Variants in SMC4 observed in about 807,000 individuals in gnomAD.
SMC4 encodes structural maintenance of chromosomes protein 4.
A neutral mutation model predicts 145.6 loss-of-function variants in SMC4; 87 were observed. The observed-to-expected ratio is 0.60, with a 90% confidence interval of 0.50 to 0.71. The LOEUF (loss-of-function observed/expected upper bound fraction) is 0.71, where lower values mean the gene tolerates loss of function less well. Ranked by LOEUF, SMC4 falls within the 30% of genes least tolerant of loss-of-function variation. The pLI, the probability that SMC4 is intolerant of heterozygous loss-of-function variation, is 0.00. For missense variants in SMC4, 1,447 were observed against 1,537.1 expected (o/e 0.94, Z 0.98); for synonymous variants, 558 against 500.7 (o/e 1.11, Z -1.53).
chr3:160,433,276 A>G, intron 23 of SMC4, 67 bp downstream of exon 23: 1 of 1,102,514 alleles, frequency 9.1e-7, no homozygotes, highest in Non-Finnish European at 1.3e-6. Flanking sequence ...TACACATGGA[A>G]TTCTTTATTT....
At chr3:160,413,345 C>T in intron 7 of SMC4, 128 bp from the exon 8 acceptor site, 1 of 877,294 alleles carries the variant, frequency 1.1e-6, no homozygotes, top group Non-Finnish European at 1.7e-6. Context: ...CCCCTCATAG[C>T]CTAGGCAGTC....
intron 8 of SMC4, 68 bp downstream of exon 8, chr3:160,413,681 G>A (rs918908099): frequency 3.4e-6 from 3 of 893,324 alleles, no homozygotes; most frequent in Non-Finnish European, 4.8e-6. Context: ...TATATATAAA[G>A]TTACTTCTAG....
At chr3:160,429,342 A>G (rs192079094) in intron 18 of SMC4, among the ~76,000 whole-genome samples, 4 of 152,208 alleles carry the variant, frequency 2.6e-5, no homozygotes, top group Admixed American at 2.0e-4. Context: ...CTTACATTTT[A>G]GTTTTTATTT....
chr3:160,432,253 T>C, intron 21 of SMC4, 30 bp from the exon 22 acceptor site: 2 of 1,422,588 alleles, frequency 1.4e-6, no homozygotes, highest in Non-Finnish European at 2.0e-6. Context: ...TTTATCTGAA[T>C]AGATTTTCCC....
chr3:160,419,469 A>G lies in SMC4; in HGVS notation c.1783A>G (p.Ser595Gly). Residue 595 changes from serine (S) to glycine (G), a missense_variant, in exon 12 of 24, where the codon AGT becomes GGT. By Grantham distance (56) the Ser-to-Gly change is moderately conservative (BLOSUM62 0). Coordinates refer to ENST00000357388, the MANE Select transcript of SMC4 (RefSeq NM_001002800.3). ...EAKSSLAMNRSRGKVLDAIIQ... is the reference protein window; with the variant it reads ...EAKSSLAMNRGRGKVLDAIIQ... ...AAAGAGCTCATTAGCAATGAATCGA[A>G]GTAGGGGGAAAGTCCTTGATGCAAT... 1.2e-6 allele frequency: 2 copies of G among 1,611,914 alleles called. No homozygotes were observed. The highest frequency in any genetic ancestry group is 1.7e-6 in the Non-Finnish European group (2 of 1,179,530).
intron 8 of SMC4, 144 bp from the exon 9 acceptor site, chr3:160,414,223 T>A (rs1191145519): frequency 1.4e-6 from 1 of 714,156 alleles, no homozygotes; most frequent in Non-Finnish European, 2.5e-6. Context: ...GGGAGAGGGA[T>A]CATCTTGGAA....
Position 160,406,041 on chromosome 3 carries a change from A to G in SMC4, c.687+1537A>G, listed in dbSNP as rs141931007. Among the ~76,000 whole-genome samples the G allele has an allele frequency of 3.2e-3, 487 of 152,202 alleles. 3 individuals carry two copies. The highest frequency in any genetic ancestry group is 0.011 in the African/African-American group (464 of 41,574). ...TTTTTTCTCTGTACAGCATCTCTGT[A>G]CGTAATTCAGTAATAAAGGAAGCTA... is the stretch of plus-strand genomic sequence containing the variant. On this transcript the variant is annotated intron_variant, in intron 5 of 23. Coordinates refer to ENST00000357388, the MANE Select transcript of SMC4 (RefSeq NM_001002800.3).
Position 160,416,205 on chromosome 3 carries a change from G to C in SMC4, c.1273-46G>C, listed in dbSNP as rs767909255. ...AATATGTCAAATATTGATAGTATTG[G>C]GTAACATAAAGATGTATGCTCCTAT... On this transcript the variant is annotated intron_variant, in intron 9 of 23. Transcript: ENST00000357388. 4 of 1,362,696 alleles carry C rather than the reference G, an allele frequency of 2.9e-6. No homozygotes were observed. The South Asian group carries it at 6.6e-5, about 23-fold the overall frequency. The allele number at this position is 1,362,696 out of a possible 1,614,324, so 84.4% of individuals were successfully genotyped here.
At chr3:160,400,496 G>C (rs1206516528) in intron 1 of SMC4, 4 of 220,448 alleles carry the variant, frequency 1.8e-5, no homozygotes, top group African/African-American at 9.1e-5. Context: ...AATTAGAAAT[G>C]CGTTAGCGAA....
chr3:160,423,350 TTTTTTTTTG>T (rs1239213983), intron 13 of SMC4, 66 bp from the exon 14 acceptor site: 26 of 882,522 alleles, frequency 2.9e-5, no homozygotes, highest in Admixed American at 8.9e-5. Context: ...TTCCTATGGG[TTTTTTTTTG>T]TTTTTTTTTT....
At chr3:160,426,412 G>T (rs1717802573) in intron 17 of SMC4, among the ~76,000 whole-genome samples, 1 of 152,162 alleles carries the variant, frequency 6.6e-6, no homozygotes, top group Non-Finnish European at 1.5e-5. Flanking sequence ...ACAGCACGTG[G>T]TGGTATAGGA....
At chr3:160,409,256 A>G (rs1378852929) in intron 5 of SMC4, among the ~76,000 whole-genome samples, 1 of 122,112 alleles carries the variant, frequency 8.2e-6, no homozygotes, top group Non-Finnish European at 1.7e-5. Context: ...ACAGAGCGAA[A>G]CTCCGTCTCA....
chr3:160,399,889 A>ACCCCCCC (rs1714283728), intron 1 of SMC4, 140 bp downstream of exon 1: 1 of 150,448 alleles, frequency 6.6e-6, no homozygotes, highest in African/African-American at 2.5e-5. Context: ...TCTTGCTGTC[A>ACCCCCCC]CCCCTCCCCC....
intron 19 of SMC4, 33 bp downstream of exon 19, chr3:160,430,776 G>T (rs1576996946): frequency 1.9e-6 from 3 of 1,586,166 alleles, no homozygotes; most frequent in Admixed American, 3.7e-5. Context: ...GAGGAGATGG[G>T]ATGATACTGG....
chr3:160,431,998 C>T (rs1718458142), intron 21 of SMC4, among the ~76,000 whole-genome samples, 173 bp downstream of exon 21: 2 of 152,180 alleles, frequency 1.3e-5, no homozygotes, highest in South Asian at 4.1e-4. Flanking sequence ...GTCAGGAGTT[C>T]GAGACCAGCT....
rs769664922 is a variant in SMC4, at chr3:160,416,357, TAAAG to T, written c.1380_1383del (p.Glu462LeufsTer30). The stretch of plus-strand genomic sequence containing the variant: ...GAAAAAGAGAAAGAAGAAAAAAAAT[TAAAG>T]GAAGTTATGGATAGCCTTAAACAGG... On this transcript the variant is annotated frameshift_variant, in exon 10 of 24. Coordinates refer to ENST00000357388, the MANE Select transcript of SMC4 (RefSeq NM_001002800.3). LOFTEE classifies it high-confidence loss of function. The T allele has an allele frequency of 5.6e-6, 9 of 1,600,514 alleles. No individual in the cohort carries two copies. The highest frequency in any genetic ancestry group is 7.7e-6 in the Non-Finnish European group (9 of 1,173,978).
chr3:160,412,247 T>C (rs1716072836), intron 6 of SMC4, 79 bp from the exon 7 acceptor site: 1 of 1,473,512 alleles, frequency 6.8e-7, no homozygotes, highest in Non-Finnish European at 9.2e-7. Flanking sequence ...TAACTGTTTT[T>C]ATCTAATGTT....
At chr3:160,408,591 A>G (rs1274921926) in intron 5 of SMC4, among the ~76,000 whole-genome samples, 1 of 152,196 alleles carries the variant, frequency 6.6e-6, no homozygotes, top group Non-Finnish European at 1.5e-5. Flanking sequence ...CTTGGATTGA[A>G]CCTTGATATG....
chr3:160,431,111 T>G lies in SMC4; in HGVS notation c.3020T>G (p.Leu1007Arg), dbSNP rs775294768. 6.2e-7 allele frequency: 1 copy of G among 1,608,058 alleles called. No homozygotes were observed. The highest frequency in any genetic ancestry group is 2.2e-5 in the East Asian group (1 of 44,562). ...LKVIQENEHA[L>R]QKDALSIKLK... The stretch of plus-strand genomic sequence containing the variant: ...GTTATTCAAGAAAATGAACATGCTC[T>G]TCAAAAAGATGCACTTAGTATTAAG... The change falls in exon 20 of 24, where the codon CTT becomes CGT. Residue 1007 changes from leucine to arginine, a missense_variant. Leu to Arg is a moderately radical substitution (Grantham distance 102, BLOSUM62 -2). Coordinates refer to ENST00000357388, the MANE Select transcript of SMC4 (RefSeq NM_001002800.3).
Sources: allele counts gnomAD v4.1 joint callset (sites outside exome capture counted in the v4.1 genomes callset), GRCh38; gene constraint gnomAD v4.1.1; transcripts MANE v1.5; gene names NCBI Gene and HGNC (gene_info 2026-07-23, HGNC 2026-07-21).